The following SLC7A8 variants were observed in gnomAD, a reference collection of about 807,000 sequenced individuals.
The protein encoded by SLC7A8 is solute carrier family 7 member 8, also known as large neutral amino acids transporter small subunit 2.
In SLC7A8, 30 loss-of-function variants were observed where a neutral mutation model predicts 51.2. That is an observed-to-expected ratio of 0.59 (90% CI 0.44 to 0.80). The LOEUF (loss-of-function observed/expected upper bound fraction) is 0.80. Ranked by LOEUF, SLC7A8 falls within the 30% of genes least tolerant of loss-of-function variation. SLC7A8 has a pLI of 0.00. For missense variants in SLC7A8, 612 were observed against 674.4 expected, an observed-to-expected ratio of 0.91 and a Z score of 1.03; for synonymous variants, 257 against 275.8, an observed-to-expected ratio of 0.93 and a Z score of 0.67.
Position 23,165,561 on chromosome 14 carries a change from C to A in SLC7A8, c.357-125G>T. On this transcript the variant is annotated intron_variant, in intron 2 of 10. Transcript: ENST00000316902. The surrounding 1 kb of genome is among the most constrained non-coding windows in gnomAD (Gnocchi z 4.2). ...GATGCTGAAGAGCCCAGCCTCTGCC[C>A]CCACCCACAAATGAGACACCCAGCC... 1 of 975,294 alleles carries A rather than the reference C, an allele frequency of 1.0e-6. No individual in the cohort carries two copies. The highest frequency in any genetic ancestry group is 1.7e-5 in the South Asian group (1 of 58,076). The allele number at this position is 975,294 out of a possible 1,614,324, so 60.4% of individuals were successfully genotyped here.
At chr14:23,166,200 G>T (rs2048949100) in intron 2 of SLC7A8, 136 bp downstream of exon 2, 1 of 852,978 alleles carries the variant, frequency 1.2e-6, no homozygotes, top group Non-Finnish European at 1.9e-6. Context: ...AAGCAGAAGA[G>T]ACATTCCATT....
chr14:23,155,909 C>T (rs567051801), intron 3 of SLC7A8, among the ~76,000 whole-genome samples: 2 of 152,298 alleles, frequency 1.3e-5, no homozygotes, highest in African/African-American at 4.8e-5. Context: ...AACCTGGACC[C>T]AGGCTGCAAA....
At chr14:23,147,253 C>T (rs528782711) in intron 3 of SLC7A8, among the ~76,000 whole-genome samples, 1 of 152,198 alleles carries the variant, frequency 6.6e-6, no homozygotes, top group Non-Finnish European at 1.5e-5. Flanking sequence ...ATCCACCCAT[C>T]TACTCATCCG....
At position 23,183,005 on chromosome 14, in the gene SLC7A8, C is replaced by T. The variant is rs959090830; in HGVS notation, c.-91G>A. The stretch of plus-strand genomic sequence containing the variant: ...ATTGGGAGAGAGCTTTGAATTAGAA[C>T]GTCCTTTTCCGAAATAGGAACCACT... On this transcript the variant is annotated 5_prime_UTR_variant, in exon 1 of 11. Transcript: ENST00000316902. The T allele has an allele frequency of 2.6e-6, 4 of 1,544,834 alleles. No homozygotes were observed. In the African/African-American group the frequency reaches 5.5e-5, roughly 21 times the overall value.
intron 3 of SLC7A8, among the ~76,000 whole-genome samples, chr14:23,153,357 C>T (rs761362810): frequency 6.6e-6 from 1 of 152,204 alleles, no homozygotes; most frequent in Non-Finnish European, 1.5e-5. Flanking sequence ...GCCCAATTCC[C>T]AGTTGCTTGT....
rs957506760 is a variant in SLC7A8 at position 23,161,929 on chromosome 14, A to C, written c.508+3356T>G. ...GTGACAGAGTGAGACTCCATCTAAAAAAAAAAAAAAAAAAAGCATCTACCA... is the reference window on the plus strand; with the variant it reads ...GTGACAGAGTGAGACTCCATCTAAACAAAAAAAAAAAAAAAGCATCTACCA... On this transcript the variant is annotated intron_variant, in intron 3 of 10. Transcript: ENST00000316902. Among the ~76,000 whole-genome samples the C allele has an allele frequency of 2.7e-3, 403 of 150,792 alleles. 16 individuals are homozygous for C. Among genetic ancestry groups the C allele is most frequent in the Middle Eastern group, 3.4e-3 (1 of 292 alleles).
intron 1 of SLC7A8, among the ~76,000 whole-genome samples, chr14:23,175,364 A>G (rs1400527314): frequency 2.0e-5 from 3 of 152,106 alleles, no homozygotes; most frequent in Non-Finnish European, 4.4e-5. Context: ...ATCTGCCACC[A>G]CATCTGGCTA....
intron 3 of SLC7A8, among the ~76,000 whole-genome samples, chr14:23,161,346 C>G (rs534422134): frequency 6.6e-6 from 1 of 152,168 alleles, no homozygotes; most frequent in South Asian, 2.1e-4. Flanking sequence ...GCCCTGTCCT[C>G]CAGTGCCCTC....
At chr14:23,178,885 CAAAAAAAAAAA>C (rs386380884) in intron 1 of SLC7A8, among the ~76,000 whole-genome samples, 9 of 78,722 alleles carry the variant, frequency 1.1e-4, no homozygotes, top group East Asian at 3.8e-4. Context: ...ATCTTGTCTC[CAAAAAAAAAAA>C]AAAAAAAAAA....
rs761485985 is a variant in SLC7A8, at chr14:23,140,527, G to A, written c.732C>T (p.Ala244=). 4.0e-5 allele frequency: 64 copies of A among 1,613,948 alleles called. No individual in the cohort carries two copies. Among genetic ancestry groups the A allele is most frequent in the Non-Finnish European group, 5.3e-5 (62 of 1,179,940 alleles). Residue 244 remains alanine, a synonymous_variant, in exon 5 of 11, where the codon GCC becomes GCT. Transcript: ENST00000316902. Reference sequence around the variant, plus strand: ...AATTCAGAAAGTTCCAGCCTCCATAGGCAAAGGAGCCCTGAAGGAAAGCCA... The same window carrying A: ...AATTCAGAAAGTTCCAGCCTCCATAAGCAAAGGAGCCCTGAAGGAAAGCCA... ...VALAFLQGSF[A]YGGWNFLNYV... is the part of the protein sequence containing the mutation.
At chr14:23,146,567 C>T (rs751479863) in intron 3 of SLC7A8, among the ~76,000 whole-genome samples, 4 of 152,198 alleles carry the variant, frequency 2.6e-5, no homozygotes, top group Non-Finnish European at 5.9e-5. Flanking sequence ...TCTTGCCTAA[C>T]CTTATCTCCA....
At chr14:23,147,338 C>G (rs2048806216) in intron 3 of SLC7A8, among the ~76,000 whole-genome samples, 2 of 152,190 alleles carry the variant, frequency 1.3e-5, no homozygotes, top group South Asian at 4.1e-4. Context: ...AAGTCCCTGC[C>G]TTTAGGAAGT....
Position 23,143,089 on chromosome 14 carries a change from C to G in SLC7A8, c.624G>C (p.Gln208His). 1 of 1,614,184 alleles carries G rather than the reference C, an allele frequency of 6.2e-7. No homozygotes were observed. The highest frequency in any genetic ancestry group is 8.5e-7 in the Non-Finnish European group (1 of 1,180,026). ...TCCTGCGATACTCACCTTTGCATAT[C>G]TGTACAATCCCCATGATGATAATCA... ...LALIIIMGIV[Q>H]ICKGEYFWLE... Residue 208 changes from glutamine to histidine, a missense_variant, in exon 4 of 11, where the codon CAG (glutamine) becomes CAC (histidine). Coordinates refer to ENST00000316902, the MANE Select transcript of SLC7A8 (RefSeq NM_012244.4).
chr14:23,152,290 C>T (rs2048854476), intron 3 of SLC7A8, among the ~76,000 whole-genome samples: 1 of 151,894 alleles, frequency 6.6e-6, no homozygotes, highest in Non-Finnish European at 1.5e-5. Flanking sequence ...CCACCACGCC[C>T]AGCTAATTTT....
intron 7 of SLC7A8, among the ~76,000 whole-genome samples, chr14:23,135,382 G>T (rs574723383): frequency 7.8e-4 from 118 of 150,586 alleles, no homozygotes; most frequent in Middle Eastern, 6.8e-3. Context: ...GAGCCACTGC[G>T]CCTGGACATA....
In SLC7A8 at chr14:23,128,130, A is replaced by C. The variant is rs2048596830; in HGVS notation, c.1330T>G (p.Ser444Ala). 2 of 1,614,092 alleles carry C rather than the reference A, an allele frequency of 1.2e-6. No homozygotes were observed. Among genetic ancestry groups the C allele is most frequent in the Non-Finnish European group, 1.7e-6 (2 of 1,180,038 alleles). The part of the protein sequence containing the change: ...WAFLLVFSLW[S>A]EPVVCGIGLA... ...CCAATGCCACACACCACCGGCTCTGACCACAGGCTGAAGACCAGCAGGAAG... is the reference window on the plus strand; with the variant it reads ...CCAATGCCACACACCACCGGCTCTGCCCACAGGCTGAAGACCAGCAGGAAG... The change falls in exon 10 of 11, where the codon TCA (serine) becomes GCA (alanine). Residue 444 changes from serine (S) to alanine (A), a missense_variant. Coordinates refer to ENST00000316902, the MANE Select transcript of SLC7A8 (RefSeq NM_012244.4). The surrounding 1 kb of genome is among the most constrained non-coding windows in gnomAD (Gnocchi z 4.3).
chr14:23,127,802 GTC>G (rs1272936869), intron 10 of SLC7A8, among the ~76,000 whole-genome samples: 1 of 152,162 alleles, frequency 6.6e-6, no homozygotes, highest in African/African-American at 2.4e-5. Context: ...ATTCTTGCGG[GTC>G]TAAGGTCTGT....
chr14:23,160,969 CT>C (rs2048918656), intron 3 of SLC7A8, among the ~76,000 whole-genome samples: 1 of 147,770 alleles, frequency 6.8e-6, no homozygotes, highest in Non-Finnish European at 1.5e-5. Context: ...TCTTTTTTTT[CT>C]TTTCTTTTTT....
rs1270355691 is a variant in SLC7A8, at chr14:23,155,449, G to A, written c.508+9836C>T. ...AGCTGCTGGAGCTGGGGTTTCTGCT[G>A]AATCACCACCCAGTATTTAGCTCAG... On this transcript the variant is annotated intron_variant, in intron 3 of 10. Coordinates refer to ENST00000316902, the MANE Select transcript of SLC7A8 (RefSeq NM_012244.4). The A allele has an allele frequency of 2.8e-6, 4 of 1,431,922 alleles. No homozygotes were observed. In the African/African-American group the frequency reaches 5.8e-5, roughly 21 times the overall value. The allele number at this position is 1,431,922 out of a possible 1,614,324, so 88.7% of individuals were successfully genotyped here.
Sources: allele counts gnomAD v4.1 joint callset (sites outside exome capture counted in the v4.1 genomes callset), GRCh38; gene constraint gnomAD v4.1.1; non-coding constraint Gnocchi (gnomAD v3.1); transcripts MANE v1.5; gene names NCBI Gene and HGNC (gene_info 2026-07-23, HGNC 2026-07-21).